The following BAIAP2L2 variants were observed in gnomAD, a reference collection of about 807,000 sequenced individuals.
BAIAP2L2 encodes BAR/IMD domain containing adaptor protein 2 like 2, also known as BAR/IMD domain-containing adapter protein 2-like 2.
A neutral mutation model predicts 60.4 loss-of-function variants in BAIAP2L2; 65 were observed. The observed-to-expected ratio is 1.08, with a 90% confidence interval of 0.88 to 1.32. BAIAP2L2 has a LOEUF of 1.32. BAIAP2L2 is among the 40% of genes most tolerant of loss of function. The probability of loss-of-function intolerance (pLI) is 0.00; values close to 1 mark genes in which losing one functional copy is unlikely to be tolerated. For synonymous variants in BAIAP2L2, 344 were observed against 301.7 expected (o/e 1.14, Z -1.45); for missense variants, 836 against 741.2 (o/e 1.13, Z -1.48).
rs1013270294 is a variant in BAIAP2L2 at position 38,107,884 on chromosome 22, G to A, written c.244C>T (p.Gln82Ter). 1.1e-5 allele frequency: 17 copies of A among 1,613,528 alleles called. No individual in the cohort carries two copies. Among genetic ancestry groups the A allele is most frequent in the Non-Finnish European group, 1.4e-5 (17 of 1,179,952 alleles). Residue 82 changes from glutamine (Q) to a stop codon, truncating the protein, a stop_gained, in exon 4 of 14, where the codon CAG (glutamine) becomes TAG (stop). Transcript: ENST00000381669. LOFTEE classifies it high-confidence loss of function. ...TCCAGGTCAGAGTTCAAGTGCCGCT[G>A]GGTGTCAGACATCTGCACCAAGATC... ...GEILVQMSDTQRHLNSDLEVV... is the reference protein window; with the variant it reads ...GEILVQMSDT
chr22:38,092,131 G>A (rs893242993), intron 7 of BAIAP2L2, among the ~76,000 whole-genome samples: 3 of 152,364 alleles, frequency 2.0e-5, no homozygotes, highest in South Asian at 4.1e-4. Context: ...CACAGCTGCA[G>A]TAAACGAGAG....
chr22:38,090,445 G>GT (rs1251625861), intron 7 of BAIAP2L2: 2 of 151,888 alleles, frequency 1.3e-5, no homozygotes, highest in Non-Finnish European at 2.9e-5. Flanking sequence ...ACCTTTCTGT[G>GT]TTGTCACTCA....
chr22:38,091,872 A>G (rs1362932552), intron 7 of BAIAP2L2, among the ~76,000 whole-genome samples: 2 of 152,204 alleles, frequency 1.3e-5, no homozygotes, highest in Non-Finnish European at 2.9e-5. Context: ...AGAAAATCCA[A>G]TGGCTTTGAA....
At chr22:38,091,022 A>G (rs132930) in intron 7 of BAIAP2L2, 55,677 of 152,232 alleles carry the variant, frequency 0.37, 10,991 homozygotes, top group South Asian at 0.49. Flanking sequence ...AGTTTCAGAG[A>G]CATAAGCAAA....
intron 4 of BAIAP2L2, among the ~76,000 whole-genome samples, chr22:38,103,552 T>C (rs2086606514): frequency 6.6e-6 from 1 of 152,142 alleles, no homozygotes; most frequent in Admixed American, 6.6e-5. Flanking sequence ...TAGCAAGGAC[T>C]CAGGAGGCAG....
intron 7 of BAIAP2L2, among the ~76,000 whole-genome samples, chr22:38,093,723 C>T (rs191298667): frequency 6.6e-6 from 1 of 152,096 alleles, no homozygotes; most frequent in Non-Finnish European, 1.5e-5. Flanking sequence ...GTAGCGAGGA[C>T]GTGAAACAAC....
Position 38,085,307 on chromosome 22 carries a change from A to G in BAIAP2L2, c.1583T>C (p.Ile528Thr). ...TITNDRSAPL[I>T]R is the part of the protein sequence containing the mutation. ...ACGACCTCGGACCCCGCCTCAGCGGATGAGGGGTGCTGAGCGGTCATTGGT... is the reference window on the plus strand; with the variant it reads ...ACGACCTCGGACCCCGCCTCAGCGGGTGAGGGGTGCTGAGCGGTCATTGGT... Residue 528 changes from isoleucine to threonine, a missense_variant, in exon 14 of 14, where the codon ATC becomes ACC. Ile to Thr is a moderately conservative substitution (Grantham distance 89). Transcript: ENST00000381669. 6.2e-7 allele frequency: 1 copy of G among 1,613,788 alleles called. No individual in the cohort carries two copies. Among genetic ancestry groups the G allele is most frequent in the Non-Finnish European group, 8.5e-7 (1 of 1,179,808 alleles).
At chr22:38,099,248 A>G (rs768305901) in intron 4 of BAIAP2L2, among the ~76,000 whole-genome samples, 1 of 152,204 alleles carries the variant, frequency 6.6e-6, no homozygotes, top group Non-Finnish European at 1.5e-5. Flanking sequence ...GAAAGGCTTG[A>G]CCAGCCTGGG....
At chr22:38,106,126 G>A (rs1273015817) in intron 4 of BAIAP2L2, among the ~76,000 whole-genome samples, 1 of 152,186 alleles carries the variant, frequency 6.6e-6, no homozygotes, top group South Asian at 2.1e-4. Context: ...GGGGTGGCAG[G>A]GGCTTAATGC....
chr22:38,087,039 C>T (rs531231959), intron 11 of BAIAP2L2, 85 bp downstream of exon 11: 10 of 1,417,232 alleles, frequency 7.1e-6, no homozygotes, highest in South Asian at 1.5e-5. Flanking sequence ...AAAAAACAAG[C>T]CTGCACCTTG....
chr22:38,098,031 C>T, intron 6 of BAIAP2L2, 32 bp downstream of exon 6: 8 of 919,552 alleles, frequency 8.7e-6, no homozygotes, highest in Admixed American at 1.8e-5. Context: ...ACCCGCCCTT[C>T]CTGGCCCACC....
intron 3 of BAIAP2L2, 141 bp from the exon 4 acceptor site, chr22:38,108,054 C>G (rs1026104440): frequency 5.9e-6 from 6 of 1,025,042 alleles, no homozygotes; most frequent in Non-Finnish European, 8.7e-6. Flanking sequence ...CCATATGGTT[C>G]TCTGGGAGCC....
chr22:38,098,253 G>A, intron 5 of BAIAP2L2, 74 bp from the exon 6 acceptor site: 4 of 1,544,740 alleles, frequency 2.6e-6, no homozygotes, highest in Non-Finnish European at 3.6e-6. Flanking sequence ...CCAGAGATCA[G>A]GGCCCTGGAA....
rs1203982086 is a variant in BAIAP2L2, at chr22:38,088,860, A to C, written c.1006T>G (p.Ser336Ala). 6.3e-7 allele frequency: 1 copy of C among 1,596,138 alleles called. No homozygotes were observed. The highest frequency in any genetic ancestry group is 1.7e-5 in the Admixed American group (1 of 59,592). The change falls in exon 10 of 14, where the codon TCG (serine) becomes GCG (alanine). Residue 336 changes from serine to alanine, a missense_variant. Physicochemically the swap from Ser to Ala is moderately conservative, Grantham distance 99. Coordinates refer to ENST00000381669, the MANE Select transcript of BAIAP2L2 (RefSeq NM_025045.6). ...ARRVRALVSH[S>A]EGANHTLLRF... The stretch of plus-strand genomic sequence containing the variant: ...AGCAGCGTGTGGTTGGCGCCCTCCG[A>C]GTGGGAGACCAGGGCGCGGACTCTC...
At chr22:38,109,027 G>A in intron 2 of BAIAP2L2, 106 bp downstream of exon 2, 13 of 972,050 alleles carry the variant, frequency 1.3e-5, no homozygotes, top group Non-Finnish European at 1.7e-5. Context: ...AGGGTGTAGG[G>A]TTGAGGATGA....
chr22:38,099,549 A>C (rs1176014127), intron 4 of BAIAP2L2, among the ~76,000 whole-genome samples: 1 of 151,642 alleles, frequency 6.6e-6, no homozygotes, highest in Non-Finnish European at 1.5e-5. Flanking sequence ...AAAAAAAAAA[A>C]GAAAAAGGAA....
At chr22:38,092,340 A>C (rs1313728163) in intron 7 of BAIAP2L2, among the ~76,000 whole-genome samples, 1 of 152,170 alleles carries the variant, frequency 6.6e-6, no homozygotes, top group Non-Finnish European at 1.5e-5. Flanking sequence ...GCAGTGGCGC[A>C]ATCTCGGCTC....
chr22:38,105,500 C>A (rs1210992217), intron 4 of BAIAP2L2, among the ~76,000 whole-genome samples: 1 of 151,940 alleles, frequency 6.6e-6, no homozygotes, highest in Admixed American at 6.6e-5. Flanking sequence ...CCACCACATG[C>A]GCGGCTAATT....
At chr22:38,097,365 T>C (rs998159742) in intron 6 of BAIAP2L2, among the ~76,000 whole-genome samples, 187 bp from the exon 7 acceptor site, 5 of 152,168 alleles carry the variant, frequency 3.3e-5, no homozygotes, top group African/African-American at 1.2e-4. Context: ...GTTATGAGTC[T>C]GGGCCCTGCG....
Sources: allele counts gnomAD v4.1 joint callset (sites outside exome capture counted in the v4.1 genomes callset), GRCh38; gene constraint gnomAD v4.1.1; transcripts MANE v1.5; gene names NCBI Gene and HGNC (gene_info 2026-07-23, HGNC 2026-07-21).